The following ADCY9 variants were observed in gnomAD, a reference collection of about 807,000 sequenced individuals.
The protein encoded by ADCY9 is adenylate cyclase 9.
In ADCY9, 50 loss-of-function variants were observed where a neutral mutation model predicts 101.5. That is an observed-to-expected ratio of 0.49 (90% CI 0.39 to 0.62). ADCY9 has a LOEUF of 0.62. Ranked by LOEUF, ADCY9 falls within the 20% of genes least tolerant of loss-of-function variation. The probability of loss-of-function intolerance (pLI) is 0.00; values close to 1 mark genes in which losing one functional copy is unlikely to be tolerated. For synonymous variants in ADCY9, 905 were observed against 769.3 expected, an observed-to-expected ratio of 1.18 and a Z score of -2.92; for missense variants, 1,662 against 1,800.4, an observed-to-expected ratio of 0.92 and a Z score of 1.39.
intron 2 of ADCY9, among the ~76,000 whole-genome samples, chr16:4,008,407 A>T (rs1445714799): frequency 6.6e-6 from 1 of 152,172 alleles, no homozygotes; most frequent in East Asian, 1.9e-4. Flanking sequence ...AAAAGAAGCA[A>T]ACTTTATTTA....
intron 2 of ADCY9, among the ~76,000 whole-genome samples, chr16:4,048,167 A>G (rs1193437339): frequency 6.6e-6 from 1 of 152,224 alleles, no homozygotes; most frequent in African/African-American, 2.4e-5. Context: ...CAAACACCCA[A>G]TAATTGGAAA....
chr16:3,984,731 C>T (rs1465804459), intron 6 of ADCY9, among the ~76,000 whole-genome samples: 1 of 152,222 alleles, frequency 6.6e-6, no homozygotes, highest in Non-Finnish European at 1.5e-5. Context: ...TTCCATTTGG[C>T]CTTGCAACCT....
rs1357272187 is a variant in ADCY9, at chr16:4,002,654, T to C, written c.1884+4714A>G. Among the ~76,000 whole-genome samples the C allele has an allele frequency of 4.6e-5, 7 of 152,358 alleles. No individual in the cohort carries two copies. The East Asian group carries it at 1.3e-3, about 29-fold the overall frequency. ...GAGGCCTTTCAGAGATGTACTAAGA[T>C]GCTTTCACAGCTCAAATGGTTCCCT... On this transcript the variant is annotated intron_variant, in intron 3 of 10. Coordinates refer to ENST00000294016, the MANE Select transcript of ADCY9 (RefSeq NM_001116.4).
At chr16:4,071,544 G>T (rs1290774863) in intron 2 of ADCY9, among the ~76,000 whole-genome samples, 1 of 151,948 alleles carries the variant, frequency 6.6e-6, no homozygotes, top group Non-Finnish European at 1.5e-5. Context: ...AATTTGTTTT[G>T]CAAATAAATT....
intron 2 of ADCY9, among the ~76,000 whole-genome samples, chr16:4,053,809 C>T (rs1351748788): frequency 6.6e-6 from 1 of 152,108 alleles, no homozygotes; most frequent in African/African-American, 2.4e-5. Context: ...CCTCGGAGAG[C>T]TCCCAGACGA....
rs181449382 is a variant in ADCY9 at position 4,091,220 on chromosome 16, C to T, written c.1693+22530G>A. On this transcript the variant is annotated intron_variant, in intron 2 of 10. Coordinates refer to ENST00000294016, the MANE Select transcript of ADCY9 (RefSeq NM_001116.4). ...TCCCGAGTAGCTGGGATTATAAGCA[C>T]GCGCCATGATGCGCAGCTGATTTTT... 1.1e-4 allele frequency among the ~76,000 whole-genome samples: 17 copies of T among 152,258 alleles called. 1 individual carries two copies. The South Asian group carries it at 1.7e-3, about 15-fold the overall frequency.
chr16:3,966,884 C>A lies in ADCY9; in HGVS notation c.2953G>T (p.Val985Phe), dbSNP rs745631015. Residue 985 changes from valine (V) to phenylalanine (F), a missense_variant, in exon 11 of 11, where the codon GTC becomes TTC. Transcript: ENST00000294016. ...ASLIGQEVVL[V>F]FFLLLLLVWF... Reference sequence around the variant, plus strand: ...ACCAACAAGAGCAGGAGAAAGAAGACGAGAACCACCTCCTGGCCGATGAGG... The same window carrying A: ...ACCAACAAGAGCAGGAGAAAGAAGAAGAGAACCACCTCCTGGCCGATGAGG... 2 of 1,613,990 alleles carry A rather than the reference C, an allele frequency of 1.2e-6. No homozygotes were observed. The highest frequency in any genetic ancestry group is 2.7e-5 in the African/African-American group (2 of 74,932).
chr16:4,097,666 C>T (rs1309797718), intron 2 of ADCY9, among the ~76,000 whole-genome samples: 3 of 149,342 alleles, frequency 2.0e-5, no homozygotes, highest in African/African-American at 7.4e-5. Context: ...CCTGCCTCAG[C>T]TTCCCGAGTA....
At chr16:4,090,842 A>G (rs551317475) in intron 2 of ADCY9, among the ~76,000 whole-genome samples, 1 of 152,006 alleles carries the variant, frequency 6.6e-6, no homozygotes, top group Non-Finnish European at 1.5e-5. Flanking sequence ...AAACTTATGC[A>G]TTCATATAAA....
intron 2 of ADCY9, among the ~76,000 whole-genome samples, chr16:4,019,921 T>C (rs2141736787): frequency 6.6e-6 from 1 of 151,960 alleles, no homozygotes; most frequent in South Asian, 2.1e-4. Flanking sequence ...CCACTAAAAA[T>C]ACAAAAATTA....
intron 5 of ADCY9, among the ~76,000 whole-genome samples, chr16:3,956,475 C>G (rs2055906402): frequency 7.8e-6 from 1 of 127,858 alleles, no homozygotes; most frequent in African/African-American, 3.0e-5. Flanking sequence ...GGACAAGACA[C>G]CAGCGCAATG....
chr16:4,071,366 C>CAA (rs1004438307), intron 2 of ADCY9, among the ~76,000 whole-genome samples: 1 of 89,264 alleles, frequency 1.1e-5, no homozygotes, highest in Non-Finnish European at 2.3e-5. Context: ...AAAAAAAAAT[C>CAA]AAAAAAGTTG....
At chr16:4,052,000 C>G (rs1228368163) in intron 2 of ADCY9, among the ~76,000 whole-genome samples, 1 of 152,178 alleles carries the variant, frequency 6.6e-6, no homozygotes, top group Non-Finnish European at 1.5e-5. Flanking sequence ...CTGGTAGACA[C>G]CACCTCAACC....
At chr16:4,013,073 G>A (rs1018475936) in intron 2 of ADCY9, among the ~76,000 whole-genome samples, 3 of 151,902 alleles carry the variant, frequency 2.0e-5, no homozygotes, top group African/African-American at 4.8e-5. Context: ...ACAACATAGC[G>A]AGATCCCATC....
At chr16:4,030,404 C>A (rs1285655644) in intron 2 of ADCY9, among the ~76,000 whole-genome samples, 2 of 152,040 alleles carry the variant, frequency 1.3e-5, no homozygotes, top group African/African-American at 4.8e-5. Flanking sequence ...GAGGCAGCCA[C>A]AAAAGAATAT....
chr16:3,958,855 T>A (rs942271933), downstream of ADCY9, among the ~76,000 whole-genome samples: 1 of 151,596 alleles, frequency 6.6e-6, no homozygotes, highest in Non-Finnish European at 1.5e-5. Flanking sequence ...TTTGTATTTT[T>A]AGTAGAGACA....
intron 4 of ADCY9, 105 bp downstream of exon 4, chr16:3,993,301 A>G (rs781356885): frequency 1.3e-6 from 2 of 1,538,434 alleles, no homozygotes; most frequent in East Asian, 4.7e-5. Flanking sequence ...CTGTTACCCA[A>G]GAGGAGTTAC....
At chr16:4,013,679 C>T (rs1039950703) in intron 2 of ADCY9, among the ~76,000 whole-genome samples, 1 of 152,106 alleles carries the variant, frequency 6.6e-6, no homozygotes, top group African/African-American at 2.4e-5. Flanking sequence ...CGGAAACGAC[C>T]AAGCGGCATG....
In ADCY9 at chr16:4,115,619, C is replaced by A; in HGVS notation, c.-44+71G>T. On this transcript the variant is annotated intron_variant, in intron 1 of 10. Coordinates refer to ENST00000294016, the MANE Select transcript of ADCY9 (RefSeq NM_001116.4). The surrounding 1 kb of genome is among the most constrained non-coding windows in gnomAD (Gnocchi z 6.2). Reference sequence around the variant, plus strand: ...AGGCACCATCTGTTCCTGTGGTTCCCGGCTCAGCGGTGCTCCCACCGCCCC... The same window carrying A: ...AGGCACCATCTGTTCCTGTGGTTCCAGGCTCAGCGGTGCTCCCACCGCCCC... 1.3e-6 allele frequency: 1 copy of A among 755,238 alleles called. No individual in the cohort carries two copies. The highest frequency in any genetic ancestry group is 1.8e-5 in the African/African-American group (1 of 57,034). 46.8% of individuals were successfully genotyped at this position (755,238 alleles called of 1,614,324 possible). A position where few individuals can be genotyped will look rare whatever the true frequency, so the allele number is the denominator to read the frequency against.
Sources: gnomAD v4.1 joint callset for allele counts (sites outside exome capture counted in the v4.1 genomes callset) on GRCh38, gnomAD v4.1.1 for gene constraint, Gnocchi (gnomAD v3.1) non-coding constraint, MANE v1.5 for transcripts, NCBI Gene and HGNC (gene_info 2026-07-23, HGNC 2026-07-21) for gene names.